Variants in ANK2 observed in about 807,000 individuals in gnomAD.
ANK2 encodes ankyrin-2.
In ANK2, 83 loss-of-function variants were observed where a neutral mutation model predicts 360.5. That is an observed-to-expected ratio of 0.23 (90% confidence interval 0.19 to 0.28). The LOEUF (loss-of-function observed/expected upper bound fraction) is 0.28. Among genes scored for constraint, ANK2 ranks in the 10% least tolerant of loss-of-function variants. The probability of loss-of-function intolerance (pLI) is 1.00; values close to 1 mark genes in which losing one functional copy is unlikely to be tolerated. For missense variants in ANK2, 4,201 were observed against 4,795.7 expected (o/e 0.88, Z 3.66); for synonymous variants, 1,740 against 1,759.5 (o/e 0.99, Z 0.28).
At chr4:112,957,589 G>C (rs1294365664) in intron 2 of ANK2, among the ~76,000 whole-genome samples, 5 of 151,592 alleles carry the variant, frequency 3.3e-5, no homozygotes, top group African/African-American at 1.2e-4. Flanking sequence ...CAGTAGGGGC[G>C]GCCGGGCAGA....
intron 1 of ANK2, among the ~76,000 whole-genome samples, chr4:113,099,212 C>A (rs930217676): frequency 2.0e-5 from 3 of 151,872 alleles, no homozygotes; most frequent in Non-Finnish European, 2.9e-5. Context: ...AAATAAAACT[C>A]TCTTTGTTCA....
At chr4:112,930,460 A>G (rs564698576) in intron 2 of ANK2, among the ~76,000 whole-genome samples, 2 of 151,678 alleles carry the variant, frequency 1.3e-5, no homozygotes, top group South Asian at 2.1e-4. Context: ...AAAAAAAAAA[A>G]AAGAAAAGAA....
chr4:113,212,739 A>G (rs188342461), intron 4 of ANK2, among the ~76,000 whole-genome samples: 186 of 152,320 alleles, frequency 1.2e-3, no homozygotes, highest in Non-Finnish European at 2.1e-3. Flanking sequence ...TTGTGAGATT[A>G]ATCCATGTTC....
intron 2 of ANK2, among the ~76,000 whole-genome samples, chr4:112,995,810 A>G (rs2048316499): frequency 6.6e-6 from 1 of 152,186 alleles, no homozygotes; most frequent in Non-Finnish European, 1.5e-5. Context: ...TCTAGCGGAC[A>G]TCAGGATTTT....
intron 2 of ANK2, among the ~76,000 whole-genome samples, chr4:113,186,566 C>G (rs1366203770): frequency 1.2e-5 from 1 of 80,068 alleles, no homozygotes; most frequent in Non-Finnish European, 2.3e-5. Context: ...CCGTGTCTCT[C>G]TCTCTCTCTC....
the ANK2 span, among the ~76,000 whole-genome samples, chr4:112,729,821 A>G: frequency 1.8e-4 from 27 of 152,102 alleles, no homozygotes; most frequent in African/African-American, 6.3e-4. Context: ...CTCAGCCTTT[A>G]AAAAAGAAGG....
At chr4:113,155,808 G>T (rs1371448625) in intron 1 of ANK2, among the ~76,000 whole-genome samples, 1 of 152,128 alleles carries the variant, frequency 6.6e-6, no homozygotes, top group Admixed American at 6.6e-5. Flanking sequence ...GACAAAAAGT[G>T]TGAATAGACA....
chr4:112,878,474 G>T (rs1044172773), intron 1 of ANK2, among the ~76,000 whole-genome samples: 19 of 151,428 alleles, frequency 1.3e-4, no homozygotes, highest in Non-Finnish European at 2.5e-4. Context: ...TTACAGGCAT[G>T]CGCCACCACG....
intron 1 of ANK2, among the ~76,000 whole-genome samples, chr4:112,851,956 G>T (rs1378115661): frequency 1.3e-5 from 2 of 152,056 alleles, no homozygotes; most frequent in African/African-American, 4.8e-5. Flanking sequence ...TCTTTTACTT[G>T]TCCCTTCTTC....
chr4:112,904,934 A>G (rs1028315121), intron 2 of ANK2, among the ~76,000 whole-genome samples: 28 of 152,316 alleles, frequency 1.8e-4, no homozygotes, highest in Admixed American at 1.4e-3. Flanking sequence ...GATTGCTATA[A>G]GGTTGTCAAT....
chr4:112,869,271 ATTTC>A (rs1045497685), intron 1 of ANK2, among the ~76,000 whole-genome samples: 39 of 149,424 alleles, frequency 2.6e-4, no homozygotes, highest in South Asian at 6.4e-4. Flanking sequence ...CTTGGGCTCA[ATTTC>A]TTTCTTTCTT....
chr4:112,889,549 A>AT (rs1489151890), intron 1 of ANK2, among the ~76,000 whole-genome samples: 1 of 150,636 alleles, frequency 6.6e-6, no homozygotes, highest in Admixed American at 6.6e-5. Flanking sequence ...AGATTTTTCT[A>AT]TTTTTTTCCT....
Position 113,355,314 on chromosome 4 carries a change from G to A in ANK2, c.6696G>A (p.Lys2232=), listed in dbSNP as rs944646246. ...TPQISSEESY[K]HEGLAETPET... ...AGATTAGTTCAGAAGAAAGCTATAA[G>A]CATGAAGGCCTAGCAGAGACCCCTG... The change falls in exon 38 of 46, where the codon AAG becomes AAA. Residue 2232 remains lysine, a synonymous_variant. Transcript: ENST00000357077. The A allele has an allele frequency of 2.4e-5, 38 of 1,613,970 alleles. No individual in the cohort carries two copies. The highest frequency in any genetic ancestry group is 3.1e-5 in the Non-Finnish European group (37 of 1,179,954).
At chr4:113,260,623 A>G (rs2052301586) in intron 13 of ANK2, among the ~76,000 whole-genome samples, 1 of 152,208 alleles carries the variant, frequency 6.6e-6, no homozygotes, top group South Asian at 2.1e-4. Context: ...ATAAATTTTT[A>G]TATATGACCC....
At chr4:113,178,515 T>C (rs2098300576) in intron 2 of ANK2, among the ~76,000 whole-genome samples, 1 of 146,278 alleles carries the variant, frequency 6.8e-6, no homozygotes, top group Non-Finnish European at 1.5e-5. Context: ...GAGGTTGCAG[T>C]GAGCCAAGAT....
At chr4:113,017,880 C>T (rs1300276227) in intron 2 of ANK2, among the ~76,000 whole-genome samples, 1 of 152,158 alleles carries the variant, frequency 6.6e-6, no homozygotes, top group Admixed American at 6.5e-5. Flanking sequence ...AATAACCCAT[C>T]ACATCATACT....
chr4:112,811,987 A>G, the ANK2 span, among the ~76,000 whole-genome samples: 1 of 148,038 alleles, frequency 6.8e-6, no homozygotes, highest in African/African-American at 2.5e-5. Flanking sequence ...AGGCAGGAGA[A>G]TGGCGTGAAC....
At chr4:113,263,266 A>G (rs1313682418) in intron 13 of ANK2, among the ~76,000 whole-genome samples, 1 of 150,510 alleles carries the variant, frequency 6.6e-6, no homozygotes, top group Non-Finnish European at 1.5e-5. Context: ...AAAACAAGTT[A>G]GAAATCATGA....
chr4:112,730,398 A>G, the ANK2 span, among the ~76,000 whole-genome samples: 1 of 151,290 alleles, frequency 6.6e-6, no homozygotes, highest in African/African-American at 2.4e-5. Context: ...GCACTTTGGG[A>G]GATCGAGATG....
Sources: gnomAD v4.1 joint callset for allele counts (sites outside exome capture counted in the v4.1 genomes callset) on GRCh38, gnomAD v4.1.1 for gene constraint, MANE v1.5 for transcripts, NCBI Gene and HGNC (gene_info 2026-07-23, HGNC 2026-07-21) for gene names.